The following CLIC4 variants were observed in gnomAD, a reference collection of about 807,000 sequenced individuals.
CLIC4 encodes the protein CLIC family member 4.
Under a neutral mutation model 24.6 loss-of-function variants are expected in CLIC4, and 13 were observed. The ratio of observed to expected loss-of-function variants is 0.53; its 90% CI spans 0.34 to 0.84. CLIC4 has a LOEUF of 0.84. CLIC4 is among the 40% of genes least tolerant of loss of function. CLIC4 has a pLI of 0.01. For missense variants in CLIC4, 227 were observed against 301.7 expected (o/e 0.75, Z 1.83); for synonymous variants, 104 against 111.3 (o/e 0.93, Z 0.41).
rs78151382 is a variant in CLIC4 at position 24,827,617 on chromosome 1, G to A, written c.415+501G>A. ...TGCTAATTACCCTTGAGCAATGTTT[G>A]GAGTTGCTTTAAGAGGGTAATTAGA... On this transcript the variant is annotated intron_variant, in intron 4 of 5. Coordinates refer to ENST00000374379, the MANE Select transcript of CLIC4 (RefSeq NM_013943.3). 8.7e-3 allele frequency among the ~76,000 whole-genome samples: 1,259 copies of A among 145,054 alleles called. 52 individuals are homozygous for A. The East Asian group carries it at 0.12, about 14-fold the overall frequency.
chr1:24,770,767 G>A (rs761178477), intron 1 of CLIC4, among the ~76,000 whole-genome samples: 22 of 151,022 alleles, frequency 1.5e-4, no homozygotes, highest in Non-Finnish European at 3.0e-4. Flanking sequence ...TTTTATCCTT[G>A]AGTCTTTGTC....
chr1:24,764,943 G>T (rs1402316247), intron 1 of CLIC4, among the ~76,000 whole-genome samples: 1 of 152,094 alleles, frequency 6.6e-6, no homozygotes. Context: ...ACTAGGAACT[G>T]CTCTAAGCTC....
intron 1 of CLIC4, among the ~76,000 whole-genome samples, chr1:24,790,272 A>G (rs906944190): frequency 6.6e-6 from 1 of 152,110 alleles, no homozygotes; most frequent in Non-Finnish European, 1.5e-5. Context: ...GGGTTTCACC[A>G]TGTTGGCCAG....
chr1:24,833,431 G>A (rs1379518987), intron 4 of CLIC4, among the ~76,000 whole-genome samples: 11 of 4,518 alleles, frequency 2.4e-3, no homozygotes, highest in Non-Finnish European at 9.9e-3. Flanking sequence ...GGCCGGGCAG[G>A]GGGCTGACCC....
intron 1 of CLIC4, among the ~76,000 whole-genome samples, chr1:24,797,017 G>A (rs575754765): frequency 2.7e-5 from 4 of 150,124 alleles, no homozygotes; most frequent in Admixed American, 1.3e-4. Context: ...TGCATGGCAC[G>A]ATCTCAGCAC....
chr1:24,815,995 A>C (rs963688603), intron 3 of CLIC4, among the ~76,000 whole-genome samples: 5 of 152,174 alleles, frequency 3.3e-5, no homozygotes, highest in Admixed American at 2.6e-4. Flanking sequence ...TTCTTTGCTC[A>C]TCATAAGAAG....
chr1:24,792,138 A>G (rs1469798981), intron 1 of CLIC4, among the ~76,000 whole-genome samples: 2 of 151,022 alleles, frequency 1.3e-5, no homozygotes, highest in African/African-American at 4.9e-5. Flanking sequence ...GCATGTGTGT[A>G]TATATATGTA....
chr1:24,816,596 T>C (rs1229200211), intron 3 of CLIC4, among the ~76,000 whole-genome samples: 2 of 152,190 alleles, frequency 1.3e-5, no homozygotes, highest in Non-Finnish European at 2.9e-5. Context: ...CAGGTCACTT[T>C]GCTTTGCTCA....
intron 2 of CLIC4, among the ~76,000 whole-genome samples, chr1:24,802,516 A>G (rs1639502175): frequency 2.0e-5 from 3 of 152,042 alleles, no homozygotes; most frequent in Admixed American, 1.3e-4. Context: ...TGAAGCTTAT[A>G]TTTTTTGGTC....
chr1:24,829,926 G>A (rs1571265605), intron 4 of CLIC4, among the ~76,000 whole-genome samples: 1 of 152,154 alleles, frequency 6.6e-6, no homozygotes, highest in East Asian at 1.9e-4. Context: ...CCACTGATGT[G>A]TAACTTAGCC....
intron 1 of CLIC4, among the ~76,000 whole-genome samples, chr1:24,784,648 G>C (rs1639242866): frequency 6.6e-6 from 1 of 152,146 alleles, no homozygotes; most frequent in Non-Finnish European, 1.5e-5. Flanking sequence ...TTCATGAATT[G>C]GTGATGCTGA....
intron 2 of CLIC4, among the ~76,000 whole-genome samples, chr1:24,805,223 G>A (rs1250606102): frequency 6.6e-6 from 1 of 151,258 alleles, no homozygotes; most frequent in East Asian, 1.9e-4. Flanking sequence ...AAAGTAGACA[G>A]ATTAACAATA....
chr1:24,786,822 G>C (rs896130411), intron 1 of CLIC4, among the ~76,000 whole-genome samples: 1 of 152,044 alleles, frequency 6.6e-6, no homozygotes, highest in Admixed American at 6.5e-5. Context: ...GTTTCACCAT[G>C]TTAGCCAGGA....
chr1:24,826,615 G>C (rs1451669343), intron 3 of CLIC4, among the ~76,000 whole-genome samples: 2 of 152,216 alleles, frequency 1.3e-5, no homozygotes, highest in East Asian at 3.8e-4. Flanking sequence ...AGTGGCTACT[G>C]TACTGGACAA....
At chr1:24,826,715 C>T (rs1251271816) in intron 3 of CLIC4, among the ~76,000 whole-genome samples, 1 of 152,174 alleles carries the variant, frequency 6.6e-6, no homozygotes, top group African/African-American at 2.4e-5. Context: ...ATTGGCCTGG[C>T]AGAAATCTCT....
chr1:24,762,644 G>T (rs1478511128), intron 1 of CLIC4, among the ~76,000 whole-genome samples: 3 of 152,274 alleles, frequency 2.0e-5, no homozygotes, highest in Admixed American at 6.5e-5. Flanking sequence ...AGGAGGGAGT[G>T]ACCAGTTGTA....
chr1:24,803,398 T>C (rs1440972488), intron 2 of CLIC4, among the ~76,000 whole-genome samples: 1 of 152,176 alleles, frequency 6.6e-6, no homozygotes, highest in Non-Finnish European at 1.5e-5. Context: ...TTACATGACA[T>C]TTCATCCATA....
rs541150644 is a variant in CLIC4, at chr1:24,752,794, C to A, written c.72+7169C>A. Among the ~76,000 whole-genome samples the A allele has an allele frequency of 2.6e-5, 4 of 152,292 alleles. No individual in the cohort carries two copies. The South Asian group carries it at 6.2e-4, about 24-fold the overall frequency. On this transcript the variant is annotated intron_variant, in intron 1 of 5. Transcript: ENST00000374379. ...CTGGAATGCAGTGGTGCAATCTTGG[C>A]TCACTGCAACCTCTGCTTCCCGGGT... is the stretch of plus-strand genomic sequence containing the variant.
intron 1 of CLIC4, chr1:24,793,153 C>T (rs903529614): frequency 6.3e-5 from 3 of 47,942 alleles, no homozygotes; most frequent in Admixed American, 3.2e-4. Context: ...TACCAAATTA[C>T]TGTTGTTTTT....
Sources: allele counts gnomAD v4.1 joint callset (sites outside exome capture counted in the v4.1 genomes callset), GRCh38; gene constraint gnomAD v4.1.1; transcripts MANE v1.5; gene names NCBI Gene and HGNC (gene_info 2026-07-23, HGNC 2026-07-21).